Variants in CHN2 observed in about 807,000 individuals in gnomAD.
CHN2 encodes the protein chimerin 2, also known as beta-chimaerin.
In CHN2, 35 loss-of-function variants were observed where a neutral mutation model predicts 56.3. The observed-to-expected ratio is 0.62, with a 90% CI of 0.47 to 0.82. The LOEUF (loss-of-function observed/expected upper bound fraction) is 0.82, where lower values mean the gene tolerates loss of function less well. CHN2 is among the 40% of genes least tolerant of loss of function. The probability of loss-of-function intolerance (pLI) is 0.00; values close to 1 mark genes in which losing one functional copy is unlikely to be tolerated. For missense variants in CHN2, 491 were observed against 580.5 expected (o/e 0.85, Z 1.58); for synonymous variants, 210 against 212.8 (o/e 0.99, Z 0.12).
intron 1 of CHN2, among the ~76,000 whole-genome samples, chr7:29,222,936 A>G (rs980485518): frequency 1.3e-5 from 2 of 152,202 alleles, no homozygotes; most frequent in African/African-American, 4.8e-5. Flanking sequence ...TTCAGCAGTA[A>G]TGGTTACAGA....
intron 1 of CHN2, chr7:29,212,283 C>G (rs1785016169): frequency 9.2e-6 from 10 of 1,087,300 alleles, no homozygotes; most frequent in Non-Finnish European, 4.2e-6. Context: ...TTTTTTCCCC[C>G]TCTTCCTCAA....
At chr7:29,292,103 C>T (rs1792679623) in intron 1 of CHN2, among the ~76,000 whole-genome samples, 1 of 152,108 alleles carries the variant, frequency 6.6e-6, no homozygotes, top group South Asian at 2.1e-4. Context: ...ATTTGTATAT[C>T]CACACTTTAT....
At chr7:29,296,208 C>G (rs1373156632) in intron 1 of CHN2, among the ~76,000 whole-genome samples, 1 of 151,466 alleles carries the variant, frequency 6.6e-6, no homozygotes, top group Non-Finnish European at 1.5e-5. Flanking sequence ...CTCAGCCTCC[C>G]AAGTAGCTGG....
At chr7:29,480,086 T>A (rs375071117) in intron 6 of CHN2, 193 bp from the exon 7 acceptor site, 23 of 1,550,546 alleles carry the variant, frequency 1.5e-5, no homozygotes, top group Non-Finnish European at 9.6e-6. Context: ...CAGAGCAAAC[T>A]GGAAAGAGCT....
chr7:29,158,950 A>G (rs1284641676), intron 2 of CHN2, among the ~76,000 whole-genome samples: 2 of 152,250 alleles, frequency 1.3e-5, no homozygotes, highest in Non-Finnish European at 2.9e-5. Flanking sequence ...TGATTTCCAA[A>G]TAAGATACCC....
intron 1 of CHN2, among the ~76,000 whole-genome samples, chr7:29,291,176 C>T (rs1212236746): frequency 6.6e-6 from 1 of 152,124 alleles, no homozygotes; most frequent in Non-Finnish European, 1.5e-5. Flanking sequence ...AGTTAAATGC[C>T]ACCATTTTGC....
At chr7:29,444,388 T>C (rs1783886710) in intron 6 of CHN2, among the ~76,000 whole-genome samples, 1 of 152,190 alleles carries the variant, frequency 6.6e-6, no homozygotes, top group Non-Finnish European at 1.5e-5. Context: ...GGCTCATCTC[T>C]GTTCCACATG....
intron 1 of CHN2, among the ~76,000 whole-genome samples, chr7:29,328,941 C>T (rs187030419): frequency 1.3e-5 from 2 of 152,290 alleles, no homozygotes; most frequent in Admixed American, 6.5e-5. Context: ...CTTCAGAAAA[C>T]AGTCATGGTG....
chr7:29,326,064 T>TTGGC (rs1483959470), intron 1 of CHN2, among the ~76,000 whole-genome samples: 1 of 152,230 alleles, frequency 6.6e-6, no homozygotes, highest in Non-Finnish European at 1.5e-5. Flanking sequence ...ACCACTATAG[T>TTGGC]TGGCTGTGTG....
intron 1 of CHN2, among the ~76,000 whole-genome samples, chr7:29,224,978 G>A (rs1201640465): frequency 1.3e-5 from 2 of 152,182 alleles, no homozygotes; most frequent in Admixed American, 1.3e-4. Context: ...CCATTCAGGA[G>A]AATTTATCTG....
At chr7:29,169,563 C>T (rs562933555) in intron 2 of CHN2, among the ~76,000 whole-genome samples, 3 of 152,080 alleles carry the variant, frequency 2.0e-5, no homozygotes, top group South Asian at 4.1e-4. Flanking sequence ...AAGTAGCTGA[C>T]GGTGTACTGA....
chr7:29,167,339 T>A (rs1043005920), intron 2 of CHN2, among the ~76,000 whole-genome samples: 1 of 152,188 alleles, frequency 6.6e-6, no homozygotes, highest in Admixed American at 6.5e-5. Flanking sequence ...ATCTGTTCAT[T>A]CATATTCTAT....
Position 29,513,028 on chromosome 7 carries a change from T to G in CHN2, c.*293T>G. 4.0e-6 allele frequency: 1 copy of G among 252,198 alleles called. No individual in the cohort carries two copies. The allele number at this position is 252,198 out of a possible 1,614,324, so 15.6% of individuals were successfully genotyped here. ...ATCTTTAATTTATTAAAAAACAATG[T>G]AGACCTTTAAACTTCAGTCTTATTG... is the stretch of plus-strand genomic sequence containing the variant. On this transcript the variant is annotated 3_prime_UTR_variant, in exon 13 of 13. Coordinates refer to ENST00000222792, the MANE Select transcript of CHN2 (RefSeq NM_004067.4).
chr7:29,150,206 A>G (rs1392504346), intron 2 of CHN2, among the ~76,000 whole-genome samples: 1 of 152,244 alleles, frequency 6.6e-6, no homozygotes, highest in Non-Finnish European at 1.5e-5. Flanking sequence ...GTTTGAATCT[A>G]GAACCTTGCA....
chr7:29,370,723 A>G (rs1562554233), intron 3 of CHN2, among the ~76,000 whole-genome samples: 1 of 152,114 alleles, frequency 6.6e-6, no homozygotes, highest in Non-Finnish European at 1.5e-5. Flanking sequence ...GTGCAATTAG[A>G]GAGATGTGGA....
chr7:29,185,323 A>G (rs1185443990), intron 2 of CHN2, among the ~76,000 whole-genome samples: 2 of 152,202 alleles, frequency 1.3e-5, no homozygotes, highest in East Asian at 1.9e-4. Context: ...AGATCATAAC[A>G]TGGACCAAAA....
At chr7:29,369,908 T>C (rs766683579) in intron 3 of CHN2, among the ~76,000 whole-genome samples, 1 of 152,200 alleles carries the variant, frequency 6.6e-6, no homozygotes, top group Non-Finnish European at 1.5e-5. Flanking sequence ...CAATTTGATA[T>C]ATTAGTAAGT....
At chr7:29,482,879 T>TGGC (rs1787473904) in intron 7 of CHN2, among the ~76,000 whole-genome samples, 1 of 126,806 alleles carries the variant, frequency 7.9e-6, no homozygotes, top group African/African-American at 3.0e-5. Context: ...TGGAGTGCAG[T>TGGC]GGCGCGATCT....
At chr7:29,208,698 T>A (rs117144606) in intron 1 of CHN2, 15 of 152,378 alleles carry the variant, frequency 9.8e-5, no homozygotes, top group Admixed American at 8.5e-4. Context: ...CCAACACATA[T>A]AACACATTCA....
Sources: gnomAD v4.1 joint callset for allele counts (sites outside exome capture counted in the v4.1 genomes callset) on GRCh38, gnomAD v4.1.1 for gene constraint, MANE v1.5 for transcripts, NCBI Gene and HGNC (gene_info 2026-07-23, HGNC 2026-07-21) for gene names.